EEFSEC: variants seen among roughly 807,000 people sequenced by gnomAD.
EEFSEC encodes selenocysteine-specific elongation factor.
EEFSEC carries 43 observed loss-of-function variants against 42.1 expected under a neutral mutation model. That is an observed-to-expected ratio of 1.02 (90% CI 0.80 to 1.32). EEFSEC has a LOEUF of 1.32. Among genes scored for constraint, EEFSEC ranks in the 40% most tolerant of loss-of-function variants. The pLI is 0.00. For missense variants in EEFSEC, 745 were observed against 803.6 expected, an observed-to-expected ratio of 0.93 and a Z score of 0.88; for synonymous variants, 354 against 339.1, an observed-to-expected ratio of 1.04 and a Z score of -0.48.
At chr3:128,297,988 G>A (rs2066726870) in intron 4 of EEFSEC, among the ~76,000 whole-genome samples, 1 of 152,168 alleles carries the variant, frequency 6.6e-6, no homozygotes, top group African/African-American at 2.4e-5. Context: ...GCCAAGGAGG[G>A]TGCATCACAT....
At chr3:128,154,292 G>A (rs1944328146) in intron 1 of EEFSEC, among the ~76,000 whole-genome samples, 1 of 152,048 alleles carries the variant, frequency 6.6e-6, no homozygotes, top group Non-Finnish European at 1.5e-5. Flanking sequence ...GCATATCTGT[G>A]TGTATGTATA....
chr3:128,214,660 A>T (rs1271963472), intron 1 of EEFSEC, among the ~76,000 whole-genome samples: 1 of 152,234 alleles, frequency 6.6e-6, no homozygotes, highest in African/African-American at 2.4e-5. Context: ...ACCAGTTAAG[A>T]TATGTATTCA....
intron 6 of EEFSEC, among the ~76,000 whole-genome samples, chr3:128,361,706 G>C (rs999955193): frequency 1.3e-5 from 2 of 152,200 alleles, no homozygotes; most frequent in African/African-American, 2.4e-5. Flanking sequence ...AGAGAGTCTT[G>C]GGGGATCTCA....
intron 6 of EEFSEC, among the ~76,000 whole-genome samples, chr3:128,364,284 G>A (rs1305130035): frequency 6.6e-6 from 1 of 152,192 alleles, no homozygotes; most frequent in African/African-American, 2.4e-5. Flanking sequence ...GCAGAGACAT[G>A]AGCAGCCATT....
chr3:128,169,079 A>G (rs919767543), intron 1 of EEFSEC, among the ~76,000 whole-genome samples: 1 of 152,212 alleles, frequency 6.6e-6, no homozygotes, highest in Non-Finnish European at 1.5e-5. Context: ...TACAGAAGTA[A>G]ATAAAACATG....
chr3:128,166,956 G>A (rs1380575019), intron 1 of EEFSEC, among the ~76,000 whole-genome samples: 3 of 152,114 alleles, frequency 2.0e-5, no homozygotes, highest in Admixed American at 6.5e-5. Context: ...CTACTTCCCT[G>A]TGTAGAAGTC....
At chr3:128,279,094 G>A (rs1576602375) in intron 4 of EEFSEC, among the ~76,000 whole-genome samples, 1 of 152,216 alleles carries the variant, frequency 6.6e-6, no homozygotes, top group East Asian at 1.9e-4. Context: ...GGGAAGGCCG[G>A]CCGCCAGAGG....
chr3:128,268,039 A>G (rs1479111916), intron 4 of EEFSEC, among the ~76,000 whole-genome samples: 1 of 152,230 alleles, frequency 6.6e-6, no homozygotes, highest in African/African-American at 2.4e-5. Flanking sequence ...CAAAAACTAA[A>G]AAAGGAAGAA....
rs1031229893 is a variant in EEFSEC, at chr3:128,236,849, C to T, written c.317-9987C>T. Reference sequence around the variant, plus strand: ...CGCAGACAGCTCGGAGCCTACTTCTCCTGCTCTTTCTCCCCAGGATGCTTA... The same window carrying T: ...CGCAGACAGCTCGGAGCCTACTTCTTCTGCTCTTTCTCCCCAGGATGCTTA... On this transcript the variant is annotated intron_variant, in intron 1 of 6. Transcript: ENST00000254730. 2.5e-4 allele frequency among the ~76,000 whole-genome samples: 38 copies of T among 152,232 alleles called. 1 individual carries two copies. Among genetic ancestry groups the T allele is most frequent in the Non-Finnish European group, 5.9e-5 (4 of 68,034 alleles).
At chr3:128,306,681 A>G (rs1164658012) in intron 4 of EEFSEC, among the ~76,000 whole-genome samples, 3 of 152,252 alleles carry the variant, frequency 2.0e-5, no homozygotes, top group African/African-American at 4.8e-5. Flanking sequence ...AGTTGAAAGT[A>G]CCTATTGGAT....
intron 4 of EEFSEC, among the ~76,000 whole-genome samples, chr3:128,309,900 GC>G (rs1426912595): frequency 1.3e-5 from 2 of 152,340 alleles, no homozygotes; most frequent in East Asian, 3.9e-4. Flanking sequence ...GGTGCTGGAT[GC>G]CACACTCTGT....
In EEFSEC at chr3:128,197,814, C is replaced by T. The variant is rs137869190; in HGVS notation, c.316+43991C>T. ...TCAGGGTTGAGGTCTGCCCCAGGTC[C>T]CCCGGTTTTGGTAAATCTTATTTCT... On this transcript the variant is annotated intron_variant, in intron 1 of 6. Transcript: ENST00000254730. 3.4e-3 allele frequency among the ~76,000 whole-genome samples: 515 copies of T among 152,238 alleles called. 1 individual carries two copies. The highest frequency in any genetic ancestry group is 0.011 in the African/African-American group (477 of 41,526).
At position 128,247,051 on chromosome 3, in the gene EEFSEC, T is replaced by C; in HGVS notation, c.524+8T>C. 6.2e-7 allele frequency: 1 copy of C among 1,613,692 alleles called. No homozygotes were observed. The highest frequency in any genetic ancestry group is 8.5e-7 in the Non-Finnish European group (1 of 1,179,894). On this transcript the variant is annotated splice_region_variant and intron_variant, in intron 2 of 6. Coordinates refer to ENST00000254730, the MANE Select transcript of EEFSEC (RefSeq NM_021937.5). ...GACCCTAGAGAACACCAAGTAGGTC[T>C]GCTAATGAGAGCAATGTTCACTGCA... is the stretch of plus-strand genomic sequence containing the variant.
At chr3:128,322,534 T>C (rs1205070243) in intron 4 of EEFSEC, among the ~76,000 whole-genome samples, 2 of 152,256 alleles carry the variant, frequency 1.3e-5, no homozygotes, top group Non-Finnish European at 2.9e-5. Context: ...CTAAAGACAC[T>C]AAAGGCCACT....
At chr3:128,310,586 C>A (rs1003831033) in intron 4 of EEFSEC, among the ~76,000 whole-genome samples, 1 of 152,206 alleles carries the variant, frequency 6.6e-6, no homozygotes, top group African/African-American at 2.4e-5. Context: ...GTTTTCCAAC[C>A]TTTTCCTCAT....
chr3:128,214,304 G>A (rs2065788274), intron 1 of EEFSEC, among the ~76,000 whole-genome samples: 3 of 152,236 alleles, frequency 2.0e-5, no homozygotes, highest in African/African-American at 4.8e-5. Flanking sequence ...GGCGAGGGCT[G>A]TGCTGTGTTC....
At chr3:128,235,678 T>G (rs928195679) in intron 1 of EEFSEC, among the ~76,000 whole-genome samples, 11 of 152,232 alleles carry the variant, frequency 7.2e-5, no homozygotes, top group Admixed American at 5.2e-4. Flanking sequence ...GTGGTGTTTT[T>G]AAATAGCTGG....
intron 1 of EEFSEC, among the ~76,000 whole-genome samples, chr3:128,232,094 A>G (rs1392683165): frequency 2.0e-5 from 3 of 152,112 alleles, no homozygotes; most frequent in African/African-American, 7.2e-5. Flanking sequence ...TGTCTGCCAA[A>G]ATCCTGTATA....
At chr3:128,205,426 G>C (rs531729168) in intron 1 of EEFSEC, among the ~76,000 whole-genome samples, 2 of 152,326 alleles carry the variant, frequency 1.3e-5, no homozygotes, top group African/African-American at 4.8e-5. Context: ...CTGGACTCCT[G>C]CTGCGGGGGT....
Sources: allele counts gnomAD v4.1 joint callset (sites outside exome capture counted in the v4.1 genomes callset), GRCh38; gene constraint gnomAD v4.1.1; transcripts MANE v1.5; gene names NCBI Gene and HGNC (gene_info 2026-07-23, HGNC 2026-07-21).